The following SHROOM3 variants were observed in gnomAD, a reference collection of about 807,000 sequenced individuals.
SHROOM3 encodes shroom family member 3.
Under a neutral mutation model 138.6 loss-of-function variants are expected in SHROOM3, and 47 were observed. The ratio of observed to expected loss-of-function variants is 0.34; its 90% CI spans 0.27 to 0.43. The LOEUF (loss-of-function observed/expected upper bound fraction) is 0.43. Among genes scored for constraint, SHROOM3 ranks in the 20% least tolerant of loss-of-function variants. The pLI, the probability that SHROOM3 is intolerant of heterozygous loss-of-function variation, is 1.00. For missense variants in SHROOM3, 2,491 were observed against 2,596.5 expected (o/e 0.96, Z 0.88); for synonymous variants, 1,062 against 1,063.3 (o/e 1.00, Z 0.02).
intron 4 of SHROOM3, 127 bp from the exon 5 acceptor site, chr4:76,738,634 C>A: frequency 8.6e-7 from 1 of 1,157,508 alleles, no homozygotes; most frequent in Non-Finnish European, 1.3e-6. Flanking sequence ...AAATATGGCC[C>A]TTTTTACCCA....
chr4:76,760,353 G>T (rs1721951059), intron 9 of SHROOM3, among the ~76,000 whole-genome samples: 1 of 152,196 alleles, frequency 6.6e-6, no homozygotes, highest in Non-Finnish European at 1.5e-5. Flanking sequence ...ACTGGGCTGT[G>T]TCTGCAGGGG....
intron 1 of SHROOM3, among the ~76,000 whole-genome samples, chr4:76,487,157 T>A (rs934443664): frequency 2.4e-4 from 36 of 152,332 alleles, no homozygotes; most frequent in African/African-American, 8.2e-4. Context: ...GATTTGCTGA[T>A]TCTGGACATT....
At chr4:76,453,182 C>A (rs1460561676) in intron 1 of SHROOM3, among the ~76,000 whole-genome samples, 3 of 152,074 alleles carry the variant, frequency 2.0e-5, no homozygotes, top group Non-Finnish European at 4.4e-5. Context: ...GTAGCTGCAC[C>A]ATTTTACTTT....
chr4:76,479,847 TC>T (rs1731568338), intron 1 of SHROOM3, among the ~76,000 whole-genome samples: 1 of 152,152 alleles, frequency 6.6e-6, no homozygotes, highest in Admixed American at 6.5e-5. Flanking sequence ...AAAAGAATTT[TC>T]AACCCAGAAT....
intron 3 of SHROOM3, among the ~76,000 whole-genome samples, chr4:76,724,438 T>C (rs237251): frequency 0.54 from 80,392 of 149,664 alleles, 22,024 homozygotes; most frequent in Middle Eastern, 0.64. Flanking sequence ...AGCTGTTTAA[T>C]TTTTTTTTTT....
At chr4:76,494,323 G>A (rs1276621788) in intron 1 of SHROOM3, among the ~76,000 whole-genome samples, 1 of 152,202 alleles carries the variant, frequency 6.6e-6, no homozygotes, top group Non-Finnish European at 1.5e-5. Flanking sequence ...TCTTTAGGAA[G>A]TAAAAGAATT....
At chr4:76,556,190 T>G (rs770480078) in intron 2 of SHROOM3, among the ~76,000 whole-genome samples, 2 of 152,198 alleles carry the variant, frequency 1.3e-5, no homozygotes, top group Non-Finnish European at 2.9e-5. Context: ...AACAGGCAAA[T>G]TCTCTCATTG....
At chr4:76,444,130 G>C (rs1480587556) in intron 1 of SHROOM3, among the ~76,000 whole-genome samples, 3 of 151,862 alleles carry the variant, frequency 2.0e-5, no homozygotes, top group East Asian at 3.9e-4. Flanking sequence ...TCCCAGGCTG[G>C]TCTCAAACTC....
chr4:76,438,054 A>C (rs1730595937), intron 1 of SHROOM3, among the ~76,000 whole-genome samples: 1 of 152,214 alleles, frequency 6.6e-6, no homozygotes, highest in African/African-American at 2.4e-5. Flanking sequence ...TAGTACACAG[A>C]AGGAGCAAAG....
Position 76,681,594 on chromosome 4 carries a change from G to GGTGTGTGTGTGTGTGT in SHROOM3, c.324-28537_324-28522dup, listed in dbSNP as rs558707266. On this transcript the variant is annotated intron_variant, in intron 2 of 10. Transcript: ENST00000296043. The stretch of plus-strand genomic sequence containing the variant: ...TGTAAGAAGCTTAGGCAGAGTCTAG[G>GGTGTGTGTGTGTGTGT]GTGTGTGTGTGTGTGTGTGTGTGTG... 6.6e-3 allele frequency among the ~76,000 whole-genome samples: 535 copies of GGTGTGTGTGTGTGTGT among 81,028 alleles called. 12 individuals are homozygous for GGTGTGTGTGTGTGTGT. The highest frequency in any genetic ancestry group is 8.1e-3 in the Non-Finnish European group (359 of 44,280). The allele number at this position is 81,028 out of a possible 152,430, so 53.2% of individuals were successfully genotyped here. A position where few individuals can be genotyped will look rare whatever the true frequency, so the allele number is the denominator to read the frequency against.
At chr4:76,460,827 C>CAAAAGAAAAAAAAAA (rs1731125587) in intron 1 of SHROOM3, among the ~76,000 whole-genome samples, 1 of 78,770 alleles carries the variant, frequency 1.3e-5, no homozygotes, top group Non-Finnish European at 2.4e-5. Flanking sequence ...CCCGTATCTA[C>CAAAAGAAAAAAAAAA]AAAAAAAAAA....
chr4:76,686,388 G>A (rs1719339291), intron 2 of SHROOM3, among the ~76,000 whole-genome samples: 1 of 151,990 alleles, frequency 6.6e-6, no homozygotes, highest in Non-Finnish European at 1.5e-5. Flanking sequence ...TATAAAAAAA[G>A]CTAAACTTGT....
intron 1 of SHROOM3, among the ~76,000 whole-genome samples, chr4:76,522,864 A>G (rs1732595173): frequency 6.6e-6 from 1 of 152,180 alleles, no homozygotes; most frequent in Non-Finnish European, 1.5e-5. Context: ...CTATATTAAC[A>G]TATCTTTTAT....
chr4:76,586,559 G>C lies in SHROOM3; in HGVS notation c.323+30796G>C, dbSNP rs1022765715. The C allele has an allele frequency of 3.5e-6, 3 of 855,504 alleles. No individual in the cohort carries two copies. The African/African-American group carries it at 5.5e-5, about 16-fold the overall frequency. The allele number at this position is 855,504 out of a possible 1,614,324, so 53.0% of individuals were successfully genotyped here. A position where few individuals can be genotyped will look rare whatever the true frequency, so the allele number is the denominator to read the frequency against. ...GCCAGCATTGGGAAGGTAAACTAAA[G>C]AGAGGTAGGGAAGTTGTTCAAGTTA... On this transcript the variant is annotated intron_variant, in intron 2 of 10. Transcript: ENST00000296043.
chr4:76,780,040 T>TAGG lies in SHROOM3; in HGVS notation c.*871_*873dup, dbSNP rs1382090611. On this transcript the variant is annotated 3_prime_UTR_variant, in exon 11 of 11. Coordinates refer to ENST00000296043, the MANE Select transcript of SHROOM3 (RefSeq NM_020859.4). The stretch of plus-strand genomic sequence containing the variant: ...AAAGACAACTCTCAGACCTATATAA[T>TAGG]AGGAGGAGGACGTCCAGAATCCAAC... 1 of 152,114 alleles carries TAGG rather than the reference T, an allele frequency of 6.6e-6. No individual in the cohort carries two copies. The highest frequency in any genetic ancestry group is 1.5e-5 in the Non-Finnish European group (1 of 68,024). 9.4% of individuals were successfully genotyped at this position (152,114 alleles called of 1,614,324 possible). A position where few individuals can be genotyped will look rare whatever the true frequency, so the allele number is the denominator to read the frequency against.
intron 10 of SHROOM3, among the ~76,000 whole-genome samples, chr4:76,774,196 T>C (rs4859461): frequency 0.071 from 10,799 of 152,234 alleles, 589 homozygotes; most frequent in East Asian, 0.22. Flanking sequence ...GCTCTAGATA[T>C]CTGAGACAAG....
At chr4:76,608,525 G>GATGGC (rs1222579984) in intron 2 of SHROOM3, among the ~76,000 whole-genome samples, 6 of 134,194 alleles carry the variant, frequency 4.5e-5, no homozygotes, top group Non-Finnish European at 8.1e-5. Flanking sequence ...ATTGGACAGA[G>GATGGC]ATGGCATAGC....
intron 4 of SHROOM3, among the ~76,000 whole-genome samples, chr4:76,732,444 A>G (rs1720917231): frequency 6.6e-6 from 1 of 152,216 alleles, no homozygotes; most frequent in African/African-American, 2.4e-5. Flanking sequence ...ATTGAACAGG[A>G]CAAACCTCTC....
rs895586877 is a variant in SHROOM3 at position 76,435,718 on chromosome 4, A to G, written c.-335A>G. 22 of 227,212 alleles carry G rather than the reference A, an allele frequency of 9.7e-5. No homozygotes were observed. The highest frequency in any genetic ancestry group is 5.0e-4 in the African/African-American group (22 of 44,024). 14.1% of individuals were successfully genotyped at this position (227,212 alleles called of 1,614,324 possible). A position where few individuals can be genotyped will look rare whatever the true frequency, so the allele number is the denominator to read the frequency against. On this transcript the variant is annotated 5_prime_UTR_variant, in exon 1 of 11. Transcript: ENST00000296043. The stretch of plus-strand genomic sequence containing the variant: ...AATGGTTTTAGTGTGTGTATGTGTG[A>G]AATAAAAGCTCAGAAAAGCAATCTT...
Sources: allele counts gnomAD v4.1 joint callset (sites outside exome capture counted in the v4.1 genomes callset), GRCh38; gene constraint gnomAD v4.1.1; transcripts MANE v1.5; gene names NCBI Gene and HGNC (gene_info 2026-07-23, HGNC 2026-07-21).